FARS2: variants seen among roughly 807,000 people sequenced by gnomAD.
FARS2 encodes phenylalanyl-tRNA synthetase 2, mitochondrial.
In FARS2, 40 loss-of-function variants were observed where a neutral mutation model predicts 46.4. The ratio of observed to expected loss-of-function variants is 0.86; its 90% CI spans 0.67 to 1.12. FARS2 has a LOEUF of 1.12. FARS2 is among the 50% of genes most tolerant of loss of function. The pLI is 0.00. For missense variants in FARS2, 513 were observed against 567.9 expected, an observed-to-expected ratio of 0.90 and a Z score of 0.98; for synonymous variants, 234 against 214.9, an observed-to-expected ratio of 1.09 and a Z score of -0.78.
At chr6:5,700,935 A>G (rs1371259667) in intron 6 of FARS2, among the ~76,000 whole-genome samples, 2 of 152,152 alleles carry the variant, frequency 1.3e-5, no homozygotes, top group African/African-American at 4.8e-5. Flanking sequence ...ATTTTTTCCA[A>G]ACGACCTCAG....
intron 4 of FARS2, among the ~76,000 whole-genome samples, chr6:5,511,371 C>A (rs954553440): frequency 6.6e-6 from 1 of 152,204 alleles, no homozygotes; most frequent in Non-Finnish European, 1.5e-5. Flanking sequence ...ATATTGATTT[C>A]ATTATGTTCG....
intron 6 of FARS2, among the ~76,000 whole-genome samples, chr6:5,740,493 A>T (rs1274988211): frequency 6.6e-6 from 1 of 151,954 alleles, no homozygotes; most frequent in East Asian, 1.9e-4. Flanking sequence ...TGAAGTACCA[A>T]GTAAGGGTTT....
Position 5,404,555 on chromosome 6 carries a change from TAAAGGATGGAG to T in FARS2, c.631_641del (p.Asp211ProfsTer5). ...GTTGGTTTACAGTTATTTGCTGGTA[TAAAGGATGGAG>T]AAAGCCTGCAGCTCTTTGAACAAAG... On this transcript the variant is annotated frameshift_variant, in exon 3 of 7. Transcript: ENST00000274680. LOFTEE classifies it high-confidence loss of function. 6.2e-7 allele frequency: 1 copy of T among 1,600,254 alleles called. No individual in the cohort carries two copies. The highest frequency in any genetic ancestry group is 8.5e-7 in the Non-Finnish European group (1 of 1,172,610).
intron 6 of FARS2, among the ~76,000 whole-genome samples, chr6:5,636,469 C>T (rs750744380): frequency 1.3e-5 from 2 of 152,182 alleles, no homozygotes; most frequent in Non-Finnish European, 2.9e-5. Context: ...TGATTGGACC[C>T]GGACAGATGC....
chr6:5,605,239 G>A (rs939907816), intron 5 of FARS2, among the ~76,000 whole-genome samples: 2 of 152,176 alleles, frequency 1.3e-5, no homozygotes, highest in African/African-American at 2.4e-5. Flanking sequence ...CTGCAGGATC[G>A]CTAGCCGGGA....
chr6:5,731,979 A>G (rs1317676842), intron 6 of FARS2, among the ~76,000 whole-genome samples: 1 of 151,410 alleles, frequency 6.6e-6, no homozygotes, highest in Non-Finnish European at 1.5e-5. Context: ...TGGCCCCCAC[A>G]CTCTCTGCCT....
chr6:5,367,507 C>T lies in FARS2; in HGVS notation c.-21-1043C>T, dbSNP rs566835804. Among the ~76,000 whole-genome samples the T allele has an allele frequency of 3.8e-4, 57 of 151,978 alleles. 2 individuals are homozygous for T. The highest frequency in any genetic ancestry group is 2.1e-3 in the South Asian group (10 of 4,798). ...TGTGTGAGTGGTTCACAGCCCTTTG[C>T]GGTTGTCTTATTGAACTCTTTCAAT... On this transcript the variant is annotated intron_variant, in intron 1 of 6. Transcript: ENST00000274680.
At chr6:5,503,286 A>T (rs1767905879) in intron 4 of FARS2, among the ~76,000 whole-genome samples, 2 of 151,558 alleles carry the variant, frequency 1.3e-5, no homozygotes, top group Admixed American at 1.3e-4. Context: ...TATGAAGTAC[A>T]AGTCTAGAAA....
intron 6 of FARS2, among the ~76,000 whole-genome samples, chr6:5,616,537 A>G (rs764855144): frequency 1.3e-5 from 2 of 152,228 alleles, no homozygotes; most frequent in Non-Finnish European, 2.9e-5. Flanking sequence ...ATATGTAATG[A>G]GATATCTTGG....
intron 4 of FARS2, among the ~76,000 whole-genome samples, chr6:5,451,252 T>G (rs1764475034): frequency 6.6e-6 from 1 of 152,152 alleles, no homozygotes; most frequent in South Asian, 2.1e-4. Flanking sequence ...AAGGCTTTAT[T>G]ACCTCAGACA....
chr6:5,647,029 A>G (rs1777115203), intron 6 of FARS2, among the ~76,000 whole-genome samples: 1 of 152,190 alleles, frequency 6.6e-6, no homozygotes, highest in Non-Finnish European at 1.5e-5. Context: ...ACAAGCTCCT[A>G]GTTGAAGGCA....
chr6:5,686,255 G>T (rs971606896), intron 6 of FARS2, among the ~76,000 whole-genome samples: 1 of 151,954 alleles, frequency 6.6e-6, no homozygotes, highest in Non-Finnish European at 1.5e-5. Context: ...ACAACATGCA[G>T]GTTTGTTACA....
At chr6:5,517,527 G>T (rs948930584) in intron 4 of FARS2, among the ~76,000 whole-genome samples, 6 of 151,688 alleles carry the variant, frequency 4.0e-5, no homozygotes, top group Non-Finnish European at 7.4e-5. Flanking sequence ...CAGGAGAATC[G>T]CTTGAACCTG....
At chr6:5,334,253 A>G (rs989909525) in intron 1 of FARS2, among the ~76,000 whole-genome samples, 13 of 152,186 alleles carry the variant, frequency 8.5e-5, no homozygotes, top group Admixed American at 1.3e-4. Context: ...TGCAGGGAGT[A>G]TGGCACTCGT....
intron 4 of FARS2, among the ~76,000 whole-genome samples, chr6:5,433,760 C>G (rs1228901420): frequency 6.6e-6 from 1 of 152,204 alleles, no homozygotes; most frequent in East Asian, 1.9e-4. Flanking sequence ...CCAGGAGTGC[C>G]TGGTGTCAGG....
intron 3 of FARS2, among the ~76,000 whole-genome samples, chr6:5,416,552 T>A (rs1052248014): frequency 6.6e-6 from 1 of 152,240 alleles, no homozygotes; most frequent in African/African-American, 2.4e-5. Context: ...TATAATGCCT[T>A]AAAATCGGTT....
At chr6:5,418,473 C>T (rs1472447599) in intron 3 of FARS2, among the ~76,000 whole-genome samples, 4 of 152,190 alleles carry the variant, frequency 2.6e-5, no homozygotes, top group Non-Finnish European at 5.9e-5. Context: ...GCTCTGTAAC[C>T]GATAACCCGT....
intron 1 of FARS2, among the ~76,000 whole-genome samples, chr6:5,366,047 C>T (rs535763952): frequency 2.6e-5 from 4 of 152,192 alleles, no homozygotes; most frequent in African/African-American, 9.6e-5. Context: ...AGGGCAGGCA[C>T]ACTCAGTGTA....
chr6:5,762,993 G>A (rs747316315), intron 6 of FARS2, among the ~76,000 whole-genome samples: 1 of 152,308 alleles, frequency 6.6e-6, no homozygotes, highest in Non-Finnish European at 1.5e-5. Flanking sequence ...TGGGGAGTGC[G>A]TGTATGGTAT....
Sources: gnomAD v4.1 joint callset for allele counts (sites outside exome capture counted in the v4.1 genomes callset) on GRCh38, gnomAD v4.1.1 for gene constraint, MANE v1.5 for transcripts, NCBI Gene and HGNC (gene_info 2026-07-23, HGNC 2026-07-21) for gene names.